PTPRQ: variants seen among roughly 807,000 people sequenced by gnomAD.
PTPRQ encodes phosphatidylinositol phosphatase PTPRQ.
A neutral mutation model predicts 246.0 loss-of-function variants in PTPRQ; 199 were observed. The ratio of observed to expected loss-of-function variants is 0.81; its 90% CI spans 0.72 to 0.91. PTPRQ has a LOEUF of 0.91. PTPRQ is among the 40% of genes least tolerant of loss of function. PTPRQ has a pLI of 0.00. For synonymous variants in PTPRQ, 869 were observed against 853.2 expected (o/e 1.02, Z -0.32); for missense variants, 2,624 against 2,528.4 (o/e 1.04, Z -0.81).
intron 6 of PTPRQ, among the ~76,000 whole-genome samples, chr12:80,461,423 A>G (rs1406854362): frequency 2.0e-5 from 3 of 152,186 alleles, no homozygotes; most frequent in Admixed American, 1.3e-4. Flanking sequence ...CAGTGTTAAA[A>G]TTAAATGAGA....
chr12:80,568,518 T>C (rs901479954), intron 25 of PTPRQ, among the ~76,000 whole-genome samples: 5 of 152,234 alleles, frequency 3.3e-5, no homozygotes, highest in Non-Finnish European at 7.3e-5. Context: ...TTAATTTCTG[T>C]CCATATTTGT....
At chr12:80,561,614 A>G (rs1426363251) in intron 25 of PTPRQ, 1 of 150,810 alleles carries the variant, frequency 6.6e-6, no homozygotes, top group Non-Finnish European at 1.5e-5. Context: ...CTGCCTGCAC[A>G]GCCACTGGCT....
intron 3 of PTPRQ, among the ~76,000 whole-genome samples, 178 bp from the exon 4 acceptor site, chr12:80,457,397 A>G: frequency 6.6e-6 from 1 of 152,254 alleles, no homozygotes; most frequent in South Asian, 2.1e-4. Context: ...CAATTTTGAC[A>G]ATAATACTTT....
chr12:80,633,858 C>A (rs1458632634), intron 34 of PTPRQ, among the ~76,000 whole-genome samples: 1 of 152,172 alleles, frequency 6.6e-6, no homozygotes, highest in Non-Finnish European at 1.5e-5. Context: ...CTTCTCATTT[C>A]TCTACAAGAT....
rs1181843093 is a variant in PTPRQ, at chr12:80,613,840, A to T, written c.5163+4A>T. On this transcript the variant is annotated splice_donor_region_variant and intron_variant, in intron 29 of 44. Coordinates refer to ENST00000644991, the MANE Select transcript of PTPRQ (RefSeq NM_001145026.2). ...TGGACATACATACAATATCAGTGTA[A>T]GAATCCGTAGCTTCAGTTAATTACC... The T allele has an allele frequency of 6.7e-7, 1 of 1,492,214 alleles. No individual in the cohort carries two copies. Among genetic ancestry groups the T allele is most frequent in the Non-Finnish European group, 8.9e-7 (1 of 1,119,570 alleles). 92.4% of individuals were successfully genotyped at this position (1,492,214 alleles called of 1,614,324 possible).
rs1352853225 is a variant in PTPRQ at position 80,549,509 on chromosome 12, C to G, written c.4060C>G (p.Gln1354Glu). The stretch of plus-strand genomic sequence containing the variant: ...TATGCAGTGCATGGCAACTAGCTGG[C>G]AGTCAGTTTTAGTGAAATGGGATCC... ...QNMQCMATSW[Q>E]SVLVKWDPPK... Residue 1354 changes from glutamine (Q) to glutamate (E), a missense_variant, in exon 25 of 45, where the codon CAG becomes GAG. Physicochemically the swap from Gln to Glu is conservative, Grantham distance 29. Coordinates refer to ENST00000644991, the MANE Select transcript of PTPRQ (RefSeq NM_001145026.2). 1 of 1,550,768 alleles carries G rather than the reference C, an allele frequency of 6.4e-7. No individual in the cohort carries two copies. Among genetic ancestry groups the G allele is most frequent in the Non-Finnish European group, 8.7e-7 (1 of 1,146,496 alleles).
At chr12:80,579,119 T>C (rs1361428312) in intron 25 of PTPRQ, among the ~76,000 whole-genome samples, 1 of 152,212 alleles carries the variant, frequency 6.6e-6, no homozygotes, top group East Asian at 1.9e-4. Context: ...TAATCTATGT[T>C]GTGCTTTATA....
At chr12:80,644,903 T>G (rs1900013976) in intron 35 of PTPRQ, among the ~76,000 whole-genome samples, 1 of 152,030 alleles carries the variant, frequency 6.6e-6, no homozygotes, top group Admixed American at 6.6e-5. Flanking sequence ...ATATCTAACT[T>G]TTATTTGAAA....
intron 17 of PTPRQ, 48 bp downstream of exon 17, chr12:80,510,491 G>A: frequency 6.9e-7 from 1 of 1,457,380 alleles, no homozygotes. Flanking sequence ...ATATTAATCT[G>A]TAACATAATA....
chr12:80,554,181 C>A (rs1429224831), intron 25 of PTPRQ, among the ~76,000 whole-genome samples: 1 of 152,064 alleles, frequency 6.6e-6, no homozygotes, highest in African/African-American at 2.4e-5. Context: ...TCAATAATTT[C>A]TTTTACATTT....
chr12:80,538,849 A>G (rs939123989), intron 19 of PTPRQ, among the ~76,000 whole-genome samples: 4 of 152,046 alleles, frequency 2.6e-5, no homozygotes. Flanking sequence ...TTGTCTGTGA[A>G]GTGGAGATGA....
chr12:80,644,452 A>C (rs1899997174), intron 35 of PTPRQ, among the ~76,000 whole-genome samples: 1 of 152,022 alleles, frequency 6.6e-6, no homozygotes, highest in Non-Finnish European at 1.5e-5. Flanking sequence ...CAGTCTAAAA[A>C]TGCTTTCCAT....
At chr12:80,651,827 C>A (rs372563511) in intron 37 of PTPRQ, among the ~76,000 whole-genome samples, 1 of 151,896 alleles carries the variant, frequency 6.6e-6, no homozygotes, top group Non-Finnish European at 1.5e-5. Flanking sequence ...ATTTTGTAAG[C>A]CTTTGGTGCC....
chr12:80,463,336 G>T (rs1195084992), intron 6 of PTPRQ, among the ~76,000 whole-genome samples: 1 of 152,094 alleles, frequency 6.6e-6, no homozygotes, highest in Non-Finnish European at 1.5e-5. Context: ...AAAAAGAAAT[G>T]AACAAACCCT....
intron 31 of PTPRQ, 51 bp downstream of exon 31, chr12:80,619,593 G>A (rs1898900146): frequency 7.3e-7 from 1 of 1,371,212 alleles, no homozygotes; most frequent in Non-Finnish European, 9.5e-7. Context: ...GTAGATTACT[G>A]AGTGCTAAAA....
In PTPRQ at chr12:80,493,326, G is replaced by C; in HGVS notation, c.1411G>C (p.Val471Leu). ...AATTGTGAACATAGTAGAGCCAATG[G>C]TAGGATTATATGAGGGTTCAGCAGA... is the stretch of plus-strand genomic sequence containing the variant. ...PEIVNIVEPM[V>L]GLYEGSAEMS... Residue 471 changes from valine (V) to leucine (L), a missense_variant, in exon 10 of 45, where the codon GTA (valine) becomes CTA (leucine). By Grantham distance (32) the Val-to-Leu change is conservative. Transcript: ENST00000644991. The C allele has an allele frequency of 6.5e-7, 1 of 1,548,836 alleles. No individual in the cohort carries two copies. Among genetic ancestry groups the C allele is most frequent in the Non-Finnish European group, 8.7e-7 (1 of 1,145,340 alleles).
intron 26 of PTPRQ, among the ~76,000 whole-genome samples, chr12:80,597,333 T>A (rs1898002564): frequency 6.6e-6 from 1 of 152,022 alleles, no homozygotes; most frequent in Non-Finnish European, 1.5e-5. Flanking sequence ...TTTGTTCCAA[T>A]GCAGAGCTTC....
At chr12:80,562,298 G>A (rs1166027729) in intron 25 of PTPRQ, among the ~76,000 whole-genome samples, 1 of 152,106 alleles carries the variant, frequency 6.6e-6, no homozygotes, top group African/African-American at 2.4e-5. Flanking sequence ...AGTAATACTA[G>A]CTGTGTGAAA....
intron 41 of PTPRQ, 124 bp from the exon 42 acceptor site, chr12:80,670,220 T>C (rs1900925079): frequency 7.3e-7 from 1 of 1,363,910 alleles, no homozygotes; most frequent in Non-Finnish European, 9.9e-7. Flanking sequence ...AATGAAAACA[T>C]TTTATTTGGT....
Sources: allele counts gnomAD v4.1 joint callset (sites outside exome capture counted in the v4.1 genomes callset), GRCh38; gene constraint gnomAD v4.1.1; transcripts MANE v1.5; gene names NCBI Gene and HGNC (gene_info 2026-07-23, HGNC 2026-07-21).